RABGAP1L: variants seen among roughly 807,000 people sequenced by gnomAD.
RABGAP1L encodes rab GTPase-activating protein 1-like.
Under a neutral mutation model 137.7 loss-of-function variants are expected in RABGAP1L, and 63 were observed. The ratio of observed to expected loss-of-function variants is 0.46; its 90% CI spans 0.37 to 0.56. The LOEUF (loss-of-function observed/expected upper bound fraction) is 0.56, where lower values mean the gene tolerates loss of function less well. Among genes scored for constraint, RABGAP1L ranks in the 20% least tolerant of loss-of-function variants. The pLI, the probability that RABGAP1L is intolerant of heterozygous loss-of-function variation, is 0.00. For synonymous variants in RABGAP1L, 431 were observed against 433.7 expected, an observed-to-expected ratio of 0.99 and a Z score of 0.08; for missense variants, 1,095 against 1,244.0, an observed-to-expected ratio of 0.88 and a Z score of 1.80.
chr1:174,448,102 T>A lies in RABGAP1L; in HGVS notation c.1710+53957T>A, dbSNP rs753390300. 15 of 1,602,696 alleles carry A rather than the reference T, an allele frequency of 9.4e-6. 1 individual carries two copies. In the Admixed American group the frequency reaches 2.5e-4, roughly 27 times the overall value. ...AGCCAAGTCTGCAGGTGTCTTTAAA[T>A]TTCCAAGCCATGAATGAATCCAGGT... On this transcript the variant is annotated intron_variant, in intron 13 of 25. Coordinates refer to ENST00000681986, the MANE Select transcript of RABGAP1L (RefSeq NM_001366446.1). The surrounding 1 kb of genome is among the most constrained non-coding windows in gnomAD (Gnocchi z 4.2).
intron 19 of RABGAP1L, among the ~76,000 whole-genome samples, chr1:174,924,659 C>G (rs1296336577): frequency 5.3e-5 from 8 of 152,098 alleles, no homozygotes; most frequent in Non-Finnish European, 1.2e-4. Context: ...TAGATCTGGT[C>G]CTTCCCATCT....
intron 10 of RABGAP1L, among the ~76,000 whole-genome samples, chr1:174,294,480 A>G (rs1469657894): frequency 6.6e-6 from 1 of 152,212 alleles, no homozygotes; most frequent in African/African-American, 2.4e-5. Context: ...TGGGTGGGCA[A>G]TTACTCTGAA....
At chr1:174,468,923 G>A (rs1400422791) in intron 13 of RABGAP1L, among the ~76,000 whole-genome samples, 1 of 152,090 alleles carries the variant, frequency 6.6e-6, no homozygotes, top group Non-Finnish European at 1.5e-5. Context: ...GAATATTTTT[G>A]CTTTTGAGTA....
intron 18 of RABGAP1L, chr1:174,799,910 A>T: frequency 5.1e-6 from 5 of 989,162 alleles, no homozygotes; most frequent in Non-Finnish European, 6.0e-6. Context: ...ACACATAGAC[A>T]CGCACACACA....
chr1:174,547,756 T>C, intron 13 of RABGAP1L: 4 of 1,179,468 alleles, frequency 3.4e-6, no homozygotes, highest in Middle Eastern at 5.7e-4. Context: ...ATTGTATTTG[T>C]ATTTAAATTG....
At chr1:174,910,789 C>A (rs1052380877) in intron 19 of RABGAP1L, among the ~76,000 whole-genome samples, 14 of 152,134 alleles carry the variant, frequency 9.2e-5, no homozygotes, top group Middle Eastern at 6.8e-3. Flanking sequence ...GTTTGAGTCC[C>A]TGTTTTCAGT....
At chr1:174,795,414 C>T (rs958886670) in intron 18 of RABGAP1L, among the ~76,000 whole-genome samples, 1 of 152,118 alleles carries the variant, frequency 6.6e-6, no homozygotes, top group Non-Finnish European at 1.5e-5. Context: ...TACAAACAAA[C>T]CTTATTAACT....
chr1:174,984,730 A>T (rs1319323461), intron 24 of RABGAP1L, among the ~76,000 whole-genome samples: 2 of 152,188 alleles, frequency 1.3e-5, no homozygotes, highest in Non-Finnish European at 2.9e-5. Context: ...CAGCAGAGTG[A>T]GATTCCATCT....
Position 174,699,665 on chromosome 1 carries a change from G to A in RABGAP1L, c.2025+15G>A. The A allele has an allele frequency of 6.3e-7, 1 of 1,588,404 alleles. No individual in the cohort carries two copies. The highest frequency in any genetic ancestry group is 8.6e-7 in the Non-Finnish European group (1 of 1,161,368). On this transcript the variant is annotated intron_variant, in intron 16 of 25. Coordinates refer to ENST00000681986, the MANE Select transcript of RABGAP1L (RefSeq NM_001366446.1). ...GACTAATGCAGGTAAATAAAAATTA[G>A]GAACTTTTATCACTCAGGGATTTGT...
chr1:174,803,222 T>G (rs1185564078), intron 18 of RABGAP1L, among the ~76,000 whole-genome samples: 1 of 152,214 alleles, frequency 6.6e-6, no homozygotes, highest in Non-Finnish European at 1.5e-5. Context: ...TAACCTTCAG[T>G]TGGAAGGAGG....
chr1:174,625,061 A>G (rs995108203), intron 13 of RABGAP1L, among the ~76,000 whole-genome samples: 2 of 151,926 alleles, frequency 1.3e-5, no homozygotes, highest in South Asian at 4.2e-4. Context: ...TTTAGTAGAG[A>G]CGGGGTTTCA....
chr1:174,735,024 A>G (rs1222297880), intron 17 of RABGAP1L, among the ~76,000 whole-genome samples: 1 of 145,014 alleles, frequency 6.9e-6, no homozygotes, highest in Non-Finnish European at 1.5e-5. Context: ...GTACAGTGGC[A>G]CAATCATAGC....
intron 13 of RABGAP1L, among the ~76,000 whole-genome samples, chr1:174,628,901 T>C (rs1056967208): frequency 6.6e-6 from 1 of 152,172 alleles, no homozygotes; most frequent in Non-Finnish European, 1.5e-5. Context: ...GTTTTGGTTG[T>C]GCTATAAAAT....
intron 11 of RABGAP1L, among the ~76,000 whole-genome samples, chr1:174,369,857 C>T (rs1302093523): frequency 6.6e-6 from 1 of 152,090 alleles, no homozygotes; most frequent in Admixed American, 6.5e-5. Flanking sequence ...TTCTTATTTA[C>T]CTAGTATTGC....
intron 11 of RABGAP1L, chr1:174,367,722 A>T (rs145534843): frequency 2.8e-4 from 52 of 182,870 alleles, no homozygotes; most frequent in African/African-American, 1.1e-3. Flanking sequence ...TCCTTTTCCA[A>T]TTCCAGATGA....
chr1:174,318,616 CTT>C (rs1679638313), intron 11 of RABGAP1L, among the ~76,000 whole-genome samples: 1 of 144,610 alleles, frequency 6.9e-6, no homozygotes, highest in Non-Finnish European at 1.5e-5. Flanking sequence ...TTCTTTCTTT[CTT>C]TCTTTCTTTC....
At chr1:174,851,565 A>T (rs968120711) in intron 19 of RABGAP1L, among the ~76,000 whole-genome samples, 1 of 151,920 alleles carries the variant, frequency 6.6e-6, no homozygotes, top group African/African-American at 2.4e-5. Flanking sequence ...TCTGTCGCCC[A>T]TGCTGGAGTA....
chr1:174,964,399 G>A (rs1175131833), intron 20 of RABGAP1L, among the ~76,000 whole-genome samples: 1 of 152,036 alleles, frequency 6.6e-6, no homozygotes, highest in East Asian at 1.9e-4. Context: ...TTAATTAACA[G>A]TTCACATTTC....
intron 19 of RABGAP1L, among the ~76,000 whole-genome samples, chr1:174,826,682 TCA>T (rs1012324455): frequency 2.6e-5 from 4 of 152,254 alleles, no homozygotes; most frequent in African/African-American, 7.2e-5. Flanking sequence ...GATTGCTGGT[TCA>T]AATAGTAATT....
Sources: allele counts gnomAD v4.1 joint callset (sites outside exome capture counted in the v4.1 genomes callset), GRCh38; gene constraint gnomAD v4.1.1; non-coding constraint Gnocchi (gnomAD v3.1); transcripts MANE v1.5; gene names NCBI Gene and HGNC (gene_info 2026-07-23, HGNC 2026-07-21).